ABCG1: variants seen among roughly 807,000 people sequenced by gnomAD.
ABCG1 encodes the protein ATP binding cassette subfamily G member 1.
In ABCG1, 29 loss-of-function variants were observed where a neutral mutation model predicts 69.2. The ratio of observed to expected loss-of-function variants is 0.42; its 90% CI spans 0.31 to 0.57. ABCG1 has a LOEUF of 0.57. Among genes scored for constraint, ABCG1 ranks in the 20% least tolerant of loss-of-function variants. The pLI is 0.15. For synonymous variants in ABCG1, 370 were observed against 374.8 expected, an observed-to-expected ratio of 0.99 and a Z score of 0.15; for missense variants, 718 against 898.1, an observed-to-expected ratio of 0.80 and a Z score of 2.56.
chr21:42,277,069 C>A, intron 5 of ABCG1, 124 bp downstream of exon 5: 1 of 1,031,380 alleles, frequency 9.7e-7, no homozygotes, highest in Non-Finnish European at 1.5e-6. Flanking sequence ...CCTTGCCTTC[C>A]GTGTGTGGGA....
intron 1 of ABCG1, chr21:42,199,997 T>G (rs1408240004): frequency 6.6e-6 from 1 of 152,276 alleles, no homozygotes; most frequent in Non-Finnish European, 1.5e-5. Context: ...TAAACTGTGA[T>G]GTAAAGTATC....
rs138071718 is a variant in ABCG1 at position 42,257,813 on chromosome 21, G to T, written c.287-13257G>T. 3.4e-3 allele frequency among the ~76,000 whole-genome samples: 512 copies of T among 152,260 alleles called. 5 individuals are homozygous for T. The highest frequency in any genetic ancestry group is 0.012 in the African/African-American group (495 of 41,526). On this transcript the variant is annotated intron_variant, in intron 2 of 14. Coordinates refer to ENST00000398449, the MANE Select transcript of ABCG1 (RefSeq NM_016818.3). ...CCATGCTAGAAAAGGCGTTCTTCAG[G>T]AACAGACTGAGGCTTCATGAAGATC...
chr21:42,268,867 G>A (rs924663080), intron 2 of ABCG1, among the ~76,000 whole-genome samples: 2 of 152,186 alleles, frequency 1.3e-5, no homozygotes, highest in Non-Finnish European at 2.9e-5. Flanking sequence ...GGTCCTGGGG[G>A]TCATTGCAGC....
chr21:42,230,542 G>A (rs888573729), intron 2 of ABCG1, among the ~76,000 whole-genome samples: 1 of 152,218 alleles, frequency 6.6e-6, no homozygotes, highest in Non-Finnish European at 1.5e-5. Context: ...CTACAGAGTA[G>A]ACACTATGTT....
chr21:42,268,176 G>C (rs2068548249), intron 2 of ABCG1, among the ~76,000 whole-genome samples: 1 of 152,210 alleles, frequency 6.6e-6, no homozygotes, highest in South Asian at 2.1e-4. Flanking sequence ...CTGTGAACGA[G>C]AGCCCACAAG....
At chr21:42,279,871 C>T (rs779527173) in intron 5 of ABCG1, among the ~76,000 whole-genome samples, 5 of 152,206 alleles carry the variant, frequency 3.3e-5, no homozygotes, top group African/African-American at 7.2e-5. Flanking sequence ...ACACGGGACC[C>T]GAAGGCAGAT....
Position 42,290,172 on chromosome 21 carries a change from C to T in ABCG1, c.1347C>T (p.Ser449=). The part of the protein sequence containing the change: ...VLSNSGFLFF[S]MLFLMFAALM... ...GCAACTCCGGCTTCCTCTTCTTCTC[C>T]ATGCTGTTCCTCATGTTCGCGGCCC... Residue 449 remains serine, a synonymous_variant, in exon 11 of 15, where the codon TCC becomes TCT. Coordinates refer to ENST00000398449, the MANE Select transcript of ABCG1 (RefSeq NM_016818.3). The T allele has an allele frequency of 6.8e-6, 11 of 1,614,178 alleles. No homozygotes were observed. Among genetic ancestry groups the T allele is most frequent in the South Asian group, 1.1e-5 (1 of 91,084 alleles).
intron 2 of ABCG1, among the ~76,000 whole-genome samples, chr21:42,243,895 T>G (rs1420021276): frequency 1.5e-5 from 2 of 137,068 alleles, no homozygotes; most frequent in East Asian, 4.8e-4. Flanking sequence ...CTCGGCTCAC[T>G]GCAAGCTCCG....
intron 2 of ABCG1, among the ~76,000 whole-genome samples, chr21:42,239,767 A>T (rs944470607): frequency 6.6e-6 from 1 of 152,222 alleles, no homozygotes; most frequent in African/African-American, 2.4e-5. Context: ...GTTGGGGCAG[A>T]AGACCGTCCG....
At chr21:42,237,373 G>A (rs1207847687) in intron 2 of ABCG1, among the ~76,000 whole-genome samples, 1 of 152,102 alleles carries the variant, frequency 6.6e-6, no homozygotes, top group Non-Finnish European at 1.5e-5. Context: ...GCTTTCTTTG[G>A]GCCACTCTCT....
intron 1 of ABCG1, among the ~76,000 whole-genome samples, chr21:42,200,152 G>C (rs953838504): frequency 8.5e-5 from 13 of 152,220 alleles, no homozygotes; most frequent in African/African-American, 3.1e-4. Flanking sequence ...CCTGCACTCG[G>C]TTTCTGTGAT....
intron 2 of ABCG1, among the ~76,000 whole-genome samples, chr21:42,268,820 G>T (rs963897237): frequency 6.6e-6 from 1 of 152,104 alleles, no homozygotes; most frequent in Non-Finnish European, 1.5e-5. Context: ...TGAGAGGGCC[G>T]AATGCTCCCA....
intron 13 of ABCG1, 115 bp from the exon 14 acceptor site, chr21:42,294,427 C>A (rs982002925): frequency 1.3e-6 from 1 of 793,172 alleles, no homozygotes; most frequent in East Asian, 2.4e-5. Flanking sequence ...TCATCATTAC[C>A]CTGCCCAGAA....
chr21:42,274,206 G>A lies in ABCG1; in HGVS notation c.537+771G>A, dbSNP rs114055619. ...TATTGAAAGGGAAAATACAGGGAAG[G>A]TGGGGTAGAATTCTGACATGCAGTT... On this transcript the variant is annotated intron_variant, in intron 4 of 14. Transcript: ENST00000398449. Among the ~76,000 whole-genome samples, 335 of 152,360 alleles carry A rather than the reference G, an allele frequency of 2.2e-3. 1 individual carries two copies. The highest frequency in any genetic ancestry group is 7.6e-3 in the African/African-American group (316 of 41,576).
chr21:42,275,188 T>C (rs540020798), intron 4 of ABCG1, among the ~76,000 whole-genome samples: 1 of 152,264 alleles, frequency 6.6e-6, no homozygotes, highest in East Asian at 1.9e-4. Context: ...CAGGTTACGT[T>C]TGCAGACACA....
At chr21:42,266,311 A>C (rs1601414780) in intron 2 of ABCG1, among the ~76,000 whole-genome samples, 1 of 151,760 alleles carries the variant, frequency 6.6e-6, no homozygotes, top group East Asian at 1.9e-4. Context: ...AAAATAAATA[A>C]ATAAAATAAA....
intron 5 of ABCG1, among the ~76,000 whole-genome samples, chr21:42,281,165 T>C (rs565667022): frequency 1.3e-5 from 2 of 152,272 alleles, no homozygotes; most frequent in East Asian, 3.9e-4. Context: ...GAGTGGAAAT[T>C]TTCTTCCTCG....
upstream of ABCG1, chr21:42,219,111 G>GGAACCA: frequency 5.7e-6 from 4 of 699,018 alleles, no homozygotes; most frequent in Non-Finnish European, 7.6e-6. This position sits in a 1 kb window ranked among gnomAD's most constrained non-coding sequence, Gnocchi z 5.3. Flanking sequence ...CGGGCGCGCT[G>GGAACCA]GAACCAGAGC....
At chr21:42,279,807 C>T (rs2068775251) in intron 5 of ABCG1, among the ~76,000 whole-genome samples, 1 of 152,210 alleles carries the variant, frequency 6.6e-6, no homozygotes, top group Non-Finnish European at 1.5e-5. Flanking sequence ...AGCTGGAAGA[C>T]CCAGAACAAG....
Sources: gnomAD v4.1 joint callset for allele counts (sites outside exome capture counted in the v4.1 genomes callset) on GRCh38, gnomAD v4.1.1 for gene constraint, Gnocchi (gnomAD v3.1) non-coding constraint, MANE v1.5 for transcripts, NCBI Gene and HGNC (gene_info 2026-07-23, HGNC 2026-07-21) for gene names.